Variants in TRPM3 observed in about 807,000 individuals in gnomAD.
The protein encoded by TRPM3 is transient receptor potential cation channel subfamily M member 3.
In TRPM3, 77 loss-of-function variants were observed where a neutral mutation model predicts 181.2. The ratio of observed to expected loss-of-function variants is 0.42; its 90% CI spans 0.35 to 0.51. The LOEUF is 0.51. Ranked by LOEUF, TRPM3 falls within the 20% of genes least tolerant of loss-of-function variation. TRPM3 has a pLI of 0.01. For missense variants in TRPM3, 1,759 were observed against 2,196.7 expected (o/e 0.80, Z 3.98); for synonymous variants, 745 against 796.4 (o/e 0.94, Z 1.09).
chr9:71,207,437 G>A (rs976095335), intron 1 of TRPM3, among the ~76,000 whole-genome samples: 1 of 152,052 alleles, frequency 6.6e-6, no homozygotes, highest in Non-Finnish European at 1.5e-5. Context: ...GTATAACAAA[G>A]TGATAGCCAA....
At chr9:70,668,034 C>A (rs906066773) in intron 9 of TRPM3, among the ~76,000 whole-genome samples, 5 of 152,160 alleles carry the variant, frequency 3.3e-5, no homozygotes, top group African/African-American at 1.2e-4. Flanking sequence ...ATAGTAGATT[C>A]TTGTGTTTAG....
rs115837094 is a variant in TRPM3 at position 70,921,411 on chromosome 9, C to T, written c.178-56900G>A. Among the ~76,000 whole-genome samples the T allele has an allele frequency of 4.1e-3, 617 of 152,334 alleles. 7 individuals carry two copies. The highest frequency in any genetic ancestry group is 0.014 in the African/African-American group (591 of 41,580). ...TTGTATAGCAAAATGCTAACTCATC[C>T]ATGTGAGATTCACAAAGAGGAAAGC... is the stretch of plus-strand genomic sequence containing the variant. On this transcript the variant is annotated intron_variant, in intron 1 of 25. Coordinates refer to ENST00000677713, the MANE Select transcript of TRPM3 (RefSeq NM_001366145.2).
intron 1 of TRPM3, among the ~76,000 whole-genome samples, chr9:71,333,635 A>G (rs757665693): frequency 6.6e-6 from 1 of 151,936 alleles, no homozygotes; most frequent in Non-Finnish European, 1.5e-5. Flanking sequence ...GTCAGCTGAA[A>G]TAGTCCTCTT....
At chr9:70,663,518 T>C (rs2061409163) in intron 9 of TRPM3, among the ~76,000 whole-genome samples, 1 of 152,246 alleles carries the variant, frequency 6.6e-6, no homozygotes, top group Non-Finnish European at 1.5e-5. Context: ...ATATTGTTAT[T>C]ATTTTCCTTT....
chr9:70,653,697 A>AAAAC (rs1564718131), intron 9 of TRPM3, among the ~76,000 whole-genome samples: 50 of 146,660 alleles, frequency 3.4e-4, no homozygotes, highest in Non-Finnish European at 4.0e-4. Flanking sequence ...AAAAAAAAAA[A>AAAAC]AAACAAACCA....
At chr9:70,567,583 A>G (rs1564359716) in intron 22 of TRPM3, among the ~76,000 whole-genome samples, 2 of 152,328 alleles carry the variant, frequency 1.3e-5, no homozygotes, top group Middle Eastern at 6.8e-3. Flanking sequence ...ACTCTAAACA[A>G]TGCTATGTGA....
intron 1 of TRPM3, among the ~76,000 whole-genome samples, chr9:71,190,546 T>C (rs2077956192): frequency 6.6e-6 from 1 of 151,908 alleles, no homozygotes; most frequent in African/African-American, 2.4e-5. Flanking sequence ...GGCTTCCTTA[T>C]AATGAGGGAT....
chr9:71,261,496 C>G (rs1385300644), intron 1 of TRPM3, among the ~76,000 whole-genome samples: 1 of 152,292 alleles, frequency 6.6e-6, no homozygotes, highest in East Asian at 1.9e-4. Flanking sequence ...CATTCTGAAG[C>G]CTACTTCCGT....
At chr9:70,893,716 C>A (rs769783240) in intron 1 of TRPM3, among the ~76,000 whole-genome samples, 3 of 152,056 alleles carry the variant, frequency 2.0e-5, no homozygotes, top group African/African-American at 7.3e-5. Flanking sequence ...AAATCCAACA[C>A]GTGGCGAGAT....
chr9:70,785,122 C>T (rs1033192512), intron 6 of TRPM3, among the ~76,000 whole-genome samples: 7 of 152,216 alleles, frequency 4.6e-5, no homozygotes, highest in African/African-American at 1.7e-4. Flanking sequence ...GCATCTGCCA[C>T]TACTGAGCAA....
chr9:70,938,680 C>T (rs10868929), intron 1 of TRPM3, among the ~76,000 whole-genome samples: 40,805 of 152,006 alleles, frequency 0.27, 5,685 homozygotes, highest in Admixed American at 0.35. Flanking sequence ...CTTTTGGGCG[C>T]GGTGGCTCAC....
intron 3 of TRPM3, among the ~76,000 whole-genome samples, chr9:70,849,651 A>G (rs931266829): frequency 4.6e-4 from 70 of 152,234 alleles, no homozygotes; most frequent in Non-Finnish European, 1.6e-4. Context: ...ATATAAATGA[A>G]TGGTAACAAT....
rs79273296 is a variant in TRPM3, at chr9:71,395,313, T to C, written c.183+51340A>G. 3.7e-3 allele frequency among the ~76,000 whole-genome samples: 559 copies of C among 152,366 alleles called. 3 individuals are homozygous for C. Among genetic ancestry groups the C allele is most frequent in the African/African-American group, 5.3e-3 (221 of 41,588 alleles). ...AATACAAAGATTTAACAGCTTCAGA[T>C]ATAAATGTTTTGCCTTCCTCAGCGG... On this transcript the variant is annotated intron_variant, in intron 1 of 24. Coordinates refer to the TRPM3 transcript ENST00000357533.
At chr9:70,839,491 T>C (rs1027122088) in intron 5 of TRPM3, among the ~76,000 whole-genome samples, 6 of 152,186 alleles carry the variant, frequency 3.9e-5, no homozygotes, top group South Asian at 2.1e-4. Flanking sequence ...CTTCTATCAA[T>C]AAATAAAATA....
intron 1 of TRPM3, among the ~76,000 whole-genome samples, chr9:70,911,813 T>C (rs1186196871): frequency 2.0e-5 from 3 of 152,238 alleles, no homozygotes; most frequent in Non-Finnish European, 4.4e-5. Context: ...TGATTTTTTC[T>C]TGCTGCATTA....
At chr9:71,271,688 G>C (rs2132130678) in intron 1 of TRPM3, among the ~76,000 whole-genome samples, 1 of 151,988 alleles carries the variant, frequency 6.6e-6, no homozygotes, top group South Asian at 2.1e-4. Flanking sequence ...CTTAATTTGG[G>C]TAATGACTGG....
chr9:70,829,156 G>A (rs1318182749), intron 5 of TRPM3, among the ~76,000 whole-genome samples: 2 of 152,128 alleles, frequency 1.3e-5, no homozygotes, highest in Non-Finnish European at 2.9e-5. Flanking sequence ...TACAGAGTGT[G>A]TACATTAATT....
intron 1 of TRPM3, among the ~76,000 whole-genome samples, chr9:71,339,535 A>C (rs1483511819): frequency 6.6e-6 from 1 of 152,108 alleles, no homozygotes; most frequent in African/African-American, 2.4e-5. Flanking sequence ...GAAATTTAGC[A>C]TATGATAAAG....
At chr9:71,377,855 C>G (rs1205050721) in intron 1 of TRPM3, among the ~76,000 whole-genome samples, 1 of 151,810 alleles carries the variant, frequency 6.6e-6, no homozygotes, top group Non-Finnish European at 1.5e-5. Context: ...TGTCTAGATT[C>G]TTTGGCTAAT....
Sources: allele counts gnomAD v4.1 joint callset (sites outside exome capture counted in the v4.1 genomes callset), GRCh38; gene constraint gnomAD v4.1.1; transcripts MANE v1.5; gene names NCBI Gene and HGNC (gene_info 2026-07-23, HGNC 2026-07-21).